SCFD1: variants seen among roughly 807,000 people sequenced by gnomAD.
The protein encoded by SCFD1 is sec1 family domain-containing protein 1.
In SCFD1, 37 loss-of-function variants were observed where a neutral mutation model predicts 103.2. The ratio of observed to expected loss-of-function variants is 0.36; its 90% confidence interval spans 0.28 to 0.47. The LOEUF is 0.47. Among genes scored for constraint, SCFD1 ranks in the 20% least tolerant of loss-of-function variants. The pLI is 1.00. For missense variants in SCFD1, 639 were observed against 761.2 expected (o/e 0.84, Z 1.89); for synonymous variants, 264 against 245.0 (o/e 1.08, Z -0.73).
chr14:30,637,904 G>A lies in SCFD1; in HGVS notation c.313-221G>A, dbSNP rs920914527. On this transcript the variant is annotated intron_variant, in intron 4 of 24. Transcript: ENST00000458591. ...ACTGTATTGTAATTAATGAGATTTT[G>A]TTGATAATATAATTTTATTACTTTA... Among the ~76,000 whole-genome samples, 7 of 152,080 alleles carry A rather than the reference G, an allele frequency of 4.6e-5. 1 individual carries two copies. Among genetic ancestry groups the A allele is most frequent in the South Asian group, 4.1e-4 (2 of 4,834 alleles).
intron 2 of SCFD1, among the ~76,000 whole-genome samples, chr14:30,629,672 A>G (rs1322121375): frequency 6.6e-6 from 1 of 151,416 alleles, no homozygotes; most frequent in Non-Finnish European, 1.5e-5. Context: ...CCGCCTCCCA[A>G]GTTCAAGTGA....
chr14:30,714,209 C>T (rs1221512212), intron 19 of SCFD1, among the ~76,000 whole-genome samples: 1 of 148,654 alleles, frequency 6.7e-6, no homozygotes, highest in Non-Finnish European at 1.5e-5. Context: ...AAAAAATTAG[C>T]CGGGCGCAGT....
chr14:30,703,764 A>G (rs1157380017), intron 17 of SCFD1, among the ~76,000 whole-genome samples: 2 of 150,448 alleles, frequency 1.3e-5, no homozygotes, highest in Non-Finnish European at 3.0e-5. Flanking sequence ...ATAAGAAAAA[A>G]AAATACACAA....
chr14:30,638,563 A>G (rs539158743), intron 5 of SCFD1, among the ~76,000 whole-genome samples: 4 of 152,314 alleles, frequency 2.6e-5, no homozygotes, highest in Admixed American at 2.0e-4. Flanking sequence ...TTGTATTGTC[A>G]TAAACTGTAT....
In SCFD1 at chr14:30,705,944, A is replaced by G. The variant is rs114613133; in HGVS notation, c.1553+59A>G. ...TACTCAAAACCTTACTTAGACTTTC[A>G]TGCCTTAAAAACACAATGTCTGATA... On this transcript the variant is annotated intron_variant, in intron 18 of 24. Transcript: ENST00000458591. The G allele has an allele frequency of 2.6e-3, 3,537 of 1,362,910 alleles. 82 individuals are homozygous for G. The African/African-American group carries it at 0.046, about 18-fold the overall frequency. 84.4% of individuals were successfully genotyped at this position (1,362,910 alleles called of 1,614,324 possible).
In SCFD1 at chr14:30,700,172, C is replaced by A. The variant is rs943538413; in HGVS notation, c.1340-16C>A. 3 of 1,581,970 alleles carry A rather than the reference C, an allele frequency of 1.9e-6. No homozygotes were observed. Among genetic ancestry groups the A allele is most frequent in the Non-Finnish European group, 2.6e-6 (3 of 1,153,212 alleles). ...CAATTATGAAAATATTTTTTAACCT[C>A]TTTTCCCCTATGCAGCAGGAACTCC... On this transcript the variant is annotated splice_polypyrimidine_tract_variant and intron_variant, in intron 15 of 24. Transcript: ENST00000458591.
chr14:30,734,949 C>T, intron 24 of SCFD1, 91 bp downstream of exon 24: 2 of 1,010,526 alleles, frequency 2.0e-6, no homozygotes, highest in Non-Finnish European at 3.0e-6. Context: ...CACTTACTCA[C>T]CTGAACCAGC....
intron 1 of SCFD1, among the ~76,000 whole-genome samples, 157 bp from the exon 2 acceptor site, chr14:30,628,052 C>A (rs947169170): frequency 2.0e-5 from 3 of 149,826 alleles, no homozygotes; most frequent in Non-Finnish European, 3.0e-5. Flanking sequence ...AATAGTCTTA[C>A]AAGATCTGAC....
At chr14:30,657,713 C>T (rs1226858048) in intron 10 of SCFD1, among the ~76,000 whole-genome samples, 1 of 152,156 alleles carries the variant, frequency 6.6e-6, no homozygotes, top group African/African-American at 2.4e-5. Context: ...AAACCTGCTA[C>T]TTTTGAAGGT....
rs765203413 is a variant in SCFD1, at chr14:30,715,925, A to G, written c.1631A>G (p.Asn544Ser). ...ATTTAACAAAATACTTTTCCACAGAATCTACCTGTTACTCGTATTTTGGAC... is the reference window on the plus strand; with the variant it reads ...ATTTAACAAAATACTTTTCCACAGAGTCTACCTGTTACTCGTATTTTGGAC... ...GVKNLVLKQQNLPVTRILDNL... is the reference protein window; with the variant it reads ...GVKNLVLKQQSLPVTRILDNL... The change falls in exon 20 of 25, where the codon AAT (asparagine) becomes AGT (serine). Residue 544 changes from asparagine (N) to serine (S), a missense_variant and splice_region_variant. Transcript: ENST00000458591. The G allele has an allele frequency of 1.3e-6, 2 of 1,533,622 alleles. No individual in the cohort carries two copies. The highest frequency in any genetic ancestry group is 8.9e-7 in the Non-Finnish European group (1 of 1,123,770).
At chr14:30,680,804 C>T (rs1223693672) in intron 14 of SCFD1, among the ~76,000 whole-genome samples, 1 of 152,082 alleles carries the variant, frequency 6.6e-6, no homozygotes, top group East Asian at 1.9e-4. Flanking sequence ...AGAAGGGAAC[C>T]TCTATAGTCT....
intron 23 of SCFD1, among the ~76,000 whole-genome samples, chr14:30,733,808 A>G (rs1893648222): frequency 6.6e-6 from 1 of 152,194 alleles, no homozygotes; most frequent in Non-Finnish European, 1.5e-5. Flanking sequence ...AATTTTGCCT[A>G]CCTGACCAGA....
intron 23 of SCFD1, among the ~76,000 whole-genome samples, chr14:30,730,336 T>C (rs992334825): frequency 1.3e-5 from 2 of 152,232 alleles, no homozygotes; most frequent in African/African-American, 4.8e-5. Flanking sequence ...CATGTGTCTT[T>C]ATAGCAGCAT....
chr14:30,675,319 G>A (rs894791337), intron 14 of SCFD1: 1 of 280,352 alleles, frequency 3.6e-6, no homozygotes, highest in African/African-American at 2.2e-5. Flanking sequence ...ATATTGCACT[G>A]CCTCAATATC....
intron 23 of SCFD1, among the ~76,000 whole-genome samples, chr14:30,727,543 G>A (rs1893133933): frequency 6.6e-6 from 1 of 152,092 alleles, no homozygotes; most frequent in Non-Finnish European, 1.5e-5. Flanking sequence ...TCAAATAAAG[G>A]AGACAATTTC....
chr14:30,666,793 A>G (rs1348249756), intron 10 of SCFD1, among the ~76,000 whole-genome samples: 1 of 152,220 alleles, frequency 6.6e-6, no homozygotes, highest in Non-Finnish European at 1.5e-5. Context: ...AATAAACTAG[A>G]AAATCTAGAA....
At chr14:30,713,184 C>T (rs1450791448) in intron 19 of SCFD1, among the ~76,000 whole-genome samples, 1 of 152,088 alleles carries the variant, frequency 6.6e-6, no homozygotes, top group African/African-American at 2.4e-5. Flanking sequence ...TAGCTGGTGA[C>T]AGATCTCAAA....
intron 4 of SCFD1, among the ~76,000 whole-genome samples, chr14:30,635,669 A>T (rs1287216062): frequency 6.6e-6 from 1 of 152,034 alleles, no homozygotes; most frequent in Non-Finnish European, 1.5e-5. Flanking sequence ...CTTGATGGAC[A>T]TTTGGATTGT....
intron 24 of SCFD1, chr14:30,735,127 C>T (rs1312696016): frequency 2.7e-6 from 1 of 371,516 alleles, no homozygotes; most frequent in Non-Finnish European, 4.9e-6. Context: ...TATATGAGAA[C>T]TGTCAGTAGT....
Sources: gnomAD v4.1 joint callset for allele counts (sites outside exome capture counted in the v4.1 genomes callset) on GRCh38, gnomAD v4.1.1 for gene constraint, MANE v1.5 for transcripts, NCBI Gene and HGNC (gene_info 2026-07-23, HGNC 2026-07-21) for gene names.